The following LPIN1 variants were observed in gnomAD, a reference collection of about 807,000 sequenced individuals.
The protein encoded by LPIN1 is lipin 1.
Under a neutral mutation model 107.5 loss-of-function variants are expected in LPIN1, and 71 were observed. That is an observed-to-expected ratio of 0.66 (90% CI 0.55 to 0.80). The LOEUF is 0.80. LPIN1 is among the 30% of genes least tolerant of loss of function. The pLI is 0.00. For missense variants in LPIN1, 1,043 were observed against 1,160.6 expected (o/e 0.90, Z 1.47); for synonymous variants, 445 against 452.6 (o/e 0.98, Z 0.21).
intron 1 of LPIN1, among the ~76,000 whole-genome samples, chr2:11,701,215 C>T (rs574747889): frequency 6.6e-6 from 1 of 152,326 alleles, no homozygotes; most frequent in South Asian, 2.1e-4. Flanking sequence ...TCCTGGGTAC[C>T]TGGCCCTTTG....
rs555982354 is a variant in LPIN1, at chr2:11,774,965, T to C, written c.723-1121T>C. On this transcript the variant is annotated intron_variant, in intron 5 of 20. Transcript: ENST00000674199. This position sits in a 1 kb window ranked among gnomAD's most constrained non-coding sequence, Gnocchi z 4.4. ...TTCCAGTAGCCCTATTTTTAAAAAG[T>C]AAAAAAAAAAAAAAAAGATGAAATT... is the stretch of plus-strand genomic sequence containing the variant. Among the ~76,000 whole-genome samples the C allele has an allele frequency of 1.7e-4, 20 of 119,962 alleles. No individual in the cohort carries two copies. The highest frequency in any genetic ancestry group is 6.0e-4 in the African/African-American group (20 of 33,072). The allele number at this position is 119,962 out of a possible 152,430, so 78.7% of individuals were successfully genotyped here. A position where few individuals can be genotyped will look rare whatever the true frequency, so the allele number is the denominator to read the frequency against.
chr2:11,693,509 C>G lies in LPIN1; in HGVS notation c.81+15781C>G, dbSNP rs527354817. Among the ~76,000 whole-genome samples, 5 of 152,124 alleles carry G rather than the reference C, an allele frequency of 3.3e-5. No individual in the cohort carries two copies. In the South Asian group the frequency reaches 6.2e-4, roughly 19 times the overall value. ...GAATCTGCATTCTCAACAAGCACCC[C>G]CTTCGGTGGTTCGTAGTTTCCTCGT... On this transcript the variant is annotated intron_variant, in intron 1 of 21. Coordinates refer to the LPIN1 transcript ENST00000449576.
intron 1 of LPIN1, among the ~76,000 whole-genome samples, chr2:11,758,601 T>C (rs1358476092): frequency 1.3e-5 from 2 of 152,168 alleles, no homozygotes; most frequent in Non-Finnish European, 2.9e-5. Flanking sequence ...CCCTGTCACT[T>C]GTTGAGAATT....
intron 20 of LPIN1, among the ~76,000 whole-genome samples, chr2:11,824,276 G>C (rs1682053961): frequency 1.3e-5 from 2 of 151,522 alleles, no homozygotes. Context: ...CCTTGTCTGT[G>C]ATTCTTCCCC....
rs186135333 is a variant in LPIN1 at position 11,825,150 on chromosome 2, G to A, written c.*359G>A. ...CCTAGGCAGAAGGCGGCTGTCTGAG[G>A]GCTGTCCCCGCCTAGGACAGGGTCA... On this transcript the variant is annotated 3_prime_UTR_variant, in exon 21 of 21. Coordinates refer to ENST00000674199, the MANE Select transcript of LPIN1 (RefSeq NM_001349206.2). The surrounding 1 kb of genome is among the most constrained non-coding windows in gnomAD (Gnocchi z 4.1). 152 of 344,452 alleles carry A rather than the reference G, an allele frequency of 4.4e-4. No homozygotes were observed. The highest frequency in any genetic ancestry group is 3.0e-3 in the African/African-American group (141 of 47,516). 21.3% of individuals were successfully genotyped at this position (344,452 alleles called of 1,614,324 possible).
chr2:11,759,580 C>T (rs1380534869), intron 1 of LPIN1, among the ~76,000 whole-genome samples: 1 of 152,246 alleles, frequency 6.6e-6, no homozygotes, highest in African/African-American at 2.4e-5. Flanking sequence ...ATGTCTACTT[C>T]TTTCTACACA....
chr2:11,748,424 C>T (rs913577284), intron 1 of LPIN1, among the ~76,000 whole-genome samples: 17 of 152,232 alleles, frequency 1.1e-4, no homozygotes, highest in African/African-American at 3.9e-4. Flanking sequence ...GACTTCAATC[C>T]TCTGAGCCTC....
At chr2:11,808,713 A>C (rs1276566886) in intron 17 of LPIN1, among the ~76,000 whole-genome samples, 2 of 151,990 alleles carry the variant, frequency 1.3e-5, no homozygotes, top group Non-Finnish European at 2.9e-5. Context: ...ATCTCTACTA[A>C]AAATACAAAA....
chr2:11,703,613 G>C (rs901388040), intron 1 of LPIN1, among the ~76,000 whole-genome samples: 1 of 152,032 alleles, frequency 6.6e-6, no homozygotes, highest in Non-Finnish European at 1.5e-5. Context: ...TCAAACTCAC[G>C]GAAGTACAAA....
upstream of LPIN1, among the ~76,000 whole-genome samples, chr2:11,742,369 G>C (rs1056657271): frequency 6.6e-6 from 1 of 152,116 alleles, no homozygotes; most frequent in Admixed American, 6.5e-5. Context: ...GACTCTTAAG[G>C]GTTTTCTACT....
Position 11,765,006 on chromosome 2 carries a change from G to T in LPIN1, c.-9-527G>T, listed in dbSNP as rs1478023089. Among the ~76,000 whole-genome samples the T allele has an allele frequency of 6.6e-6, 1 of 152,230 alleles. No homozygotes were observed. The highest frequency in any genetic ancestry group is 1.5e-5 in the Non-Finnish European group (1 of 68,044). ...GGAGACTGGTGGGCTTGCTGTGGGA[G>T]TTGGGGTGATAGGCCGTGATGGGCC... is the stretch of plus-strand genomic sequence containing the variant. On this transcript the variant is annotated intron_variant, in intron 1 of 20. Coordinates refer to ENST00000674199, the MANE Select transcript of LPIN1 (RefSeq NM_001349206.2). This position sits in a 1 kb window ranked among gnomAD's most constrained non-coding sequence, Gnocchi z 4.4.
In LPIN1 at chr2:11,707,830, A is replaced by G. The variant is rs1663205387; in HGVS notation, c.82-5926A>G. On this transcript the variant is annotated intron_variant, in intron 1 of 21. Transcript: ENST00000449576. The surrounding 1 kb of genome is among the most constrained non-coding windows in gnomAD (Gnocchi z 4.2). Reference sequence around the variant, plus strand: ...GATGGACCTTACCATTGAGCCAGGCATGATTACTTCCTTCAAATGACTCTT... The same window carrying G: ...GATGGACCTTACCATTGAGCCAGGCGTGATTACTTCCTTCAAATGACTCTT... 2.6e-5 allele frequency among the ~76,000 whole-genome samples: 4 copies of G among 152,182 alleles called. No individual in the cohort carries two copies. The South Asian group carries it at 8.3e-4, about 32-fold the overall frequency.
At chr2:11,822,486 C>T (rs1431181657) in intron 20 of LPIN1, among the ~76,000 whole-genome samples, 1 of 151,216 alleles carries the variant, frequency 6.6e-6, no homozygotes, top group Non-Finnish European at 1.5e-5. Context: ...GGAGACCTCA[C>T]AATCATGGTC....
At position 11,791,921 on chromosome 2, in the gene LPIN1, T is replaced by G; in HGVS notation, c.1721T>G (p.Val574Gly). The G allele has an allele frequency of 6.2e-7, 1 of 1,613,896 alleles. No homozygotes were observed. The highest frequency in any genetic ancestry group is 1.7e-5 in the Admixed American group (1 of 60,012). Residue 574 changes from valine (V) to glycine (G), a missense_variant, in exon 13 of 21, where the codon GTG (valine) becomes GGG (glycine). By Grantham distance (109) the Val-to-Gly change is moderately radical. Transcript: ENST00000674199. ...AFQKPLPKAT[V>G]ESIMRDKMPK... Reference sequence around the variant, plus strand: ...ACCATCCATTTAAAACAGGCCACTGTGGAATCTATCATGAGGGATAAAATG... The same window carrying G: ...ACCATCCATTTAAAACAGGCCACTGGGGAATCTATCATGAGGGATAAAATG...
intron 7 of LPIN1, 105 bp downstream of exon 7, chr2:11,779,750 C>T: frequency 2.2e-6 from 3 of 1,393,152 alleles, no homozygotes; most frequent in Admixed American, 1.7e-5. Flanking sequence ...TACCAGGAGC[C>T]AGAGGTAAAC....
chr2:11,794,101 T>C (rs568700051), intron 13 of LPIN1, among the ~76,000 whole-genome samples: 2 of 152,394 alleles, frequency 1.3e-5, no homozygotes, highest in East Asian at 3.9e-4. Flanking sequence ...TGACATTTTC[T>C]GTTAGCATAT....
chr2:11,715,430 C>A (rs117642751), intron 2 of LPIN1, among the ~76,000 whole-genome samples: 1 of 152,192 alleles, frequency 6.6e-6, no homozygotes, highest in Non-Finnish European at 1.5e-5. Context: ...TTACAGAAAG[C>A]GTCCGCCATC....
chr2:11,786,184 C>T lies in LPIN1; in HGVS notation c.1550-890C>T, dbSNP rs1426925241. Among the ~76,000 whole-genome samples the T allele has an allele frequency of 1.3e-5, 2 of 152,104 alleles. No individual in the cohort carries two copies. Among genetic ancestry groups the T allele is most frequent in the Admixed American group, 6.5e-5 (1 of 15,276 alleles). ...CCAGATCGTCACAGTCAGGAGACCC[C>T]AGGAGAGTCCCCGGAGGTCCTGATT... On this transcript the variant is annotated intron_variant, in intron 10 of 20. Transcript: ENST00000674199. This position sits in a 1 kb window ranked among gnomAD's most constrained non-coding sequence, Gnocchi z 4.1.
intron 1 of LPIN1, among the ~76,000 whole-genome samples, chr2:11,735,316 C>T (rs1438677152): frequency 1.3e-5 from 2 of 151,310 alleles, no homozygotes; most frequent in African/African-American, 4.9e-5. Context: ...AGAAAGTGTT[C>T]CCATGGTACC....
Sources: allele counts gnomAD v4.1 joint callset (sites outside exome capture counted in the v4.1 genomes callset), GRCh38; gene constraint gnomAD v4.1.1; non-coding constraint Gnocchi (gnomAD v3.1); transcripts MANE v1.5; gene names NCBI Gene and HGNC (gene_info 2026-07-23, HGNC 2026-07-21).